KIF18A: variants seen among roughly 807,000 people sequenced by gnomAD.
KIF18A encodes the protein kinesin-like protein KIF18A.
A neutral mutation model predicts 103.3 loss-of-function variants in KIF18A; 67 were observed. The ratio of observed to expected loss-of-function variants is 0.65; its 90% CI spans 0.53 to 0.79. The LOEUF (loss-of-function observed/expected upper bound fraction) is 0.79, where lower values mean the gene tolerates loss of function less well. KIF18A is among the 30% of genes least tolerant of loss of function. The pLI is 0.00. For missense variants in KIF18A, 1,032 were observed against 1,062.5 expected (o/e 0.97, Z 0.40); for synonymous variants, 367 against 355.5 (o/e 1.03, Z -0.36).
At chr11:28,069,486 G>A in intron 10 of KIF18A, 63 bp from the exon 11 acceptor site, 1 of 1,438,224 alleles carries the variant, frequency 7.0e-7, no homozygotes, top group South Asian at 1.3e-5. Context: ...CATGATATTA[G>A]TAAACTAGTA....
At chr11:28,046,137 G>A (rs1481566200) in intron 13 of KIF18A, among the ~76,000 whole-genome samples, 4 of 151,954 alleles carry the variant, frequency 2.6e-5, no homozygotes, top group East Asian at 1.9e-4. Context: ...TCAGTGTGGC[G>A]ATTCCTCAGG....
intron 6 of KIF18A, among the ~76,000 whole-genome samples, chr11:28,087,417 T>G (rs1851242604): frequency 6.6e-6 from 1 of 152,236 alleles, no homozygotes; most frequent in Non-Finnish European, 1.5e-5. Flanking sequence ...GGACATGAAC[T>G]CATCCTTTTT....
rs1259141577 is a variant in KIF18A at position 28,069,304 on chromosome 11, G to A, written c.1545C>T (p.Val515=). The change falls in exon 11 of 17, where the codon GTC becomes GTT. Residue 515 remains valine, a synonymous_variant. Transcript: ENST00000263181. The stretch of plus-strand genomic sequence containing the variant: ...GACTTAAGAGTCCCATTTCTTTTTC[G>A]ACACGATGGAGCCAATTAGTATTCT... ...FDENTNWLHR[V]EKEMGLLSQN... The A allele has an allele frequency of 6.2e-6, 10 of 1,612,948 alleles. No homozygotes were observed. Among genetic ancestry groups the A allele is most frequent in the African/African-American group, 2.7e-5 (2 of 74,772 alleles).
chr11:28,021,269 G>A lies in KIF18A; in HGVS notation c.2628C>T (p.Asn876=). The A allele has an allele frequency of 6.8e-7, 1 of 1,472,286 alleles. No homozygotes were observed. Among genetic ancestry groups the A allele is most frequent in the Non-Finnish European group, 9.1e-7 (1 of 1,102,478 alleles). 91.2% of individuals were successfully genotyped at this position (1,472,286 alleles called of 1,614,324 possible). The stretch of plus-strand genomic sequence containing the variant: ...CCATGCTTGGATTTATTTTACAGAT[G>A]TTTCTTTTATGTTCTAGAGAAGAAA... ...ENKPTMEHKR[N]ICKINPSMVR... Residue 876 remains asparagine (N), a synonymous_variant, in exon 17 of 17, where the codon AAC becomes AAT. Coordinates refer to ENST00000263181, the MANE Select transcript of KIF18A (RefSeq NM_031217.4).
At chr11:28,080,029 A>G (rs778425993) in intron 9 of KIF18A, among the ~76,000 whole-genome samples, 19 of 152,278 alleles carry the variant, frequency 1.2e-4, no homozygotes, top group East Asian at 3.9e-4. Context: ...TTCAGGCTCA[A>G]TAAGTAGATT....
intron 9 of KIF18A, among the ~76,000 whole-genome samples, chr11:28,080,260 G>A (rs1284821022): frequency 6.6e-6 from 1 of 150,956 alleles, no homozygotes; most frequent in Non-Finnish European, 1.5e-5. Flanking sequence ...TACAAAGTGT[G>A]AAATATAAAG....
chr11:28,055,028 C>T (rs988118030), intron 13 of KIF18A, among the ~76,000 whole-genome samples: 9 of 152,016 alleles, frequency 5.9e-5, no homozygotes, highest in African/African-American at 2.2e-4. Context: ...TCCTTTCTAA[C>T]ATCTTGAGTA....
intron 10 of KIF18A, among the ~76,000 whole-genome samples, chr11:28,075,169 T>G (rs1851072998): frequency 6.6e-6 from 1 of 152,132 alleles, no homozygotes; most frequent in Non-Finnish European, 1.5e-5. Flanking sequence ...TTACATGAAG[T>G]CTATCCTTTA....
At chr11:28,062,638 T>C (rs1850870409) in intron 11 of KIF18A, 122 bp from the exon 12 acceptor site, 1 of 726,242 alleles carries the variant, frequency 1.4e-6, no homozygotes, top group Non-Finnish European at 2.0e-6. Context: ...ATAATATGTT[T>C]AGAAACAATT....
chr11:28,098,028 A>G, intron 1 of KIF18A, 35 bp from the exon 2 acceptor site: 1 of 1,113,930 alleles, frequency 9.0e-7, no homozygotes, highest in Non-Finnish European at 1.3e-6. Context: ...TTTTAATATC[A>G]GTTTTTACTT....
At chr11:28,093,285 G>A (rs1851326997) in intron 3 of KIF18A, among the ~76,000 whole-genome samples, 1 of 152,042 alleles carries the variant, frequency 6.6e-6, no homozygotes, top group African/African-American at 2.4e-5. Flanking sequence ...ACCAACCAAA[G>A]AAAATGAGTT....
chr11:28,058,000 A>T (rs1480697121), intron 13 of KIF18A, among the ~76,000 whole-genome samples: 1 of 152,218 alleles, frequency 6.6e-6, no homozygotes, highest in Non-Finnish European at 1.5e-5. Context: ...CATGTGTATT[A>T]CACACATACT....
At chr11:28,045,393 A>G (rs1850618428) in intron 13 of KIF18A, among the ~76,000 whole-genome samples, 1 of 151,788 alleles carries the variant, frequency 6.6e-6, no homozygotes, top group Non-Finnish European at 1.5e-5. Context: ...TAAAAAGCAG[A>G]AAAAAAGGAA....
intron 15 of KIF18A, among the ~76,000 whole-genome samples, chr11:28,031,689 AC>A (rs1051903590): frequency 1.4e-4 from 21 of 151,876 alleles, no homozygotes; most frequent in African/African-American, 2.9e-4. Flanking sequence ...AAAAAAAAAA[AC>A]AACTCTCAAA....
chr11:28,029,481 C>T (rs1364810773), intron 15 of KIF18A, among the ~76,000 whole-genome samples: 1 of 152,046 alleles, frequency 6.6e-6, no homozygotes, highest in Non-Finnish European at 1.5e-5. Context: ...ATTCAACAGC[C>T]CTTCATGCTA....
chr11:28,075,035 T>C (rs2133544749), intron 10 of KIF18A, among the ~76,000 whole-genome samples: 1 of 152,326 alleles, frequency 6.6e-6, no homozygotes, highest in Non-Finnish European at 1.5e-5. Context: ...GAACTCATGC[T>C]TCTTGAATTT....
chr11:28,073,478 G>GT (rs1851049069), intron 10 of KIF18A, among the ~76,000 whole-genome samples: 1 of 152,140 alleles, frequency 6.6e-6, no homozygotes, highest in Admixed American at 6.6e-5. Flanking sequence ...GTGATTAAGA[G>GT]TGCAGGCTCT....
At chr11:28,099,329 G>A (rs774596385) in intron 1 of KIF18A, among the ~76,000 whole-genome samples, 1 of 152,036 alleles carries the variant, frequency 6.6e-6, no homozygotes, top group African/African-American at 2.4e-5. Flanking sequence ...GGCTGAGGAG[G>A]GTGGGGTGGG....
At chr11:28,056,580 AT>A (rs1850783549) in intron 13 of KIF18A, among the ~76,000 whole-genome samples, 1 of 152,048 alleles carries the variant, frequency 6.6e-6, no homozygotes, top group South Asian at 2.1e-4. Context: ...CAAACAAAAG[AT>A]AATGCAGAAA....
Sources: gnomAD v4.1 joint callset for allele counts (sites outside exome capture counted in the v4.1 genomes callset) on GRCh38, gnomAD v4.1.1 for gene constraint, MANE v1.5 for transcripts, NCBI Gene and HGNC (gene_info 2026-07-23, HGNC 2026-07-21) for gene names.